SUGCT: variants seen among roughly 807,000 people sequenced by gnomAD.
SUGCT encodes succinyl-CoA:glutarate CoA-transferase.
SUGCT carries 41 observed loss-of-function variants against 55.0 expected under a neutral mutation model. The ratio of observed to expected loss-of-function variants is 0.74; its 90% CI spans 0.58 to 0.97. SUGCT has a LOEUF of 0.97. Among genes scored for constraint, SUGCT ranks in the 50% least tolerant of loss-of-function variants. The pLI is 0.00. For synonymous variants in SUGCT, 187 were observed against 200.4 expected, an observed-to-expected ratio of 0.93 and a Z score of 0.56; for missense variants, 568 against 547.8, an observed-to-expected ratio of 1.04 and a Z score of -0.37.
the SUGCT span, among the ~76,000 whole-genome samples, chr7:40,914,439 A>G: frequency 6.6e-6 from 1 of 152,082 alleles, no homozygotes; most frequent in African/African-American, 2.4e-5. Flanking sequence ...TCAGCCCTCT[A>G]CAAAGCCAGG....
chr7:40,662,847 C>T (rs1801401746), intron 12 of SUGCT, among the ~76,000 whole-genome samples: 1 of 152,216 alleles, frequency 6.6e-6, no homozygotes, highest in Non-Finnish European at 1.5e-5. Flanking sequence ...TGCTCTAATA[C>T]TTAAGCTCCT....
At chr7:40,969,775 G>T in the SUGCT span, among the ~76,000 whole-genome samples, 33 of 152,080 alleles carry the variant, frequency 2.2e-4, no homozygotes, top group Non-Finnish European at 4.4e-4. Flanking sequence ...CATCTGTTTT[G>T]GTTCATCTGA....
chr7:40,864,444 G>T (rs182128350), downstream of SUGCT, among the ~76,000 whole-genome samples: 1 of 152,074 alleles, frequency 6.6e-6, no homozygotes, highest in Admixed American at 6.5e-5. Flanking sequence ...GAGCCACCAT[G>T]CCCGGAATGA....
At chr7:40,765,565 G>A (rs1410533132) in intron 13 of SUGCT, among the ~76,000 whole-genome samples, 1 of 151,996 alleles carries the variant, frequency 6.6e-6, no homozygotes, top group Admixed American at 6.6e-5. Flanking sequence ...TAACGATTTG[G>A]GTATTCATGG....
Position 40,834,879 on chromosome 7 carries a change from C to T in SUGCT, c.1154-25437C>T, listed in dbSNP as rs187316437. 3.7e-4 allele frequency among the ~76,000 whole-genome samples: 57 copies of T among 152,178 alleles called. No individual in the cohort carries two copies. The East Asian group carries it at 9.5e-3, about 25-fold the overall frequency. On this transcript the variant is annotated intron_variant, in intron 13 of 13. Transcript: ENST00000335693. ...ACAAGTGTTTTGACAGGATAGTATTCGGGGTCTTCTCCACCCTGCTCTTCT... is the reference window on the plus strand; with the variant it reads ...ACAAGTGTTTTGACAGGATAGTATTTGGGGTCTTCTCCACCCTGCTCTTCT...
At chr7:40,178,624 T>A (rs111922900) in intron 1 of SUGCT, among the ~76,000 whole-genome samples, 4 of 152,140 alleles carry the variant, frequency 2.6e-5, no homozygotes, top group African/African-American at 9.7e-5. Flanking sequence ...ACCAATACTT[T>A]ATATCTGACC....
At chr7:40,365,088 G>C (rs1206031052) in intron 9 of SUGCT, among the ~76,000 whole-genome samples, 2 of 152,064 alleles carry the variant, frequency 1.3e-5, no homozygotes, top group Non-Finnish European at 2.9e-5. Context: ...TTCATCCCTG[G>C]GATGCAAGGC....
chr7:40,900,038 C>T, the SUGCT span, among the ~76,000 whole-genome samples: 31 of 152,280 alleles, frequency 2.0e-4, no homozygotes, highest in Middle Eastern at 3.4e-3. Flanking sequence ...CACAAGGACC[C>T]CCACCTCCTT....
chr7:40,662,574 C>T (rs1353779285), intron 12 of SUGCT, among the ~76,000 whole-genome samples: 1 of 152,206 alleles, frequency 6.6e-6, no homozygotes, highest in Admixed American at 6.5e-5. Context: ...TCATCCCTAT[C>T]ACAGAAACAT....
At chr7:40,191,533 C>T (rs1052720224) in intron 5 of SUGCT, among the ~76,000 whole-genome samples, 7 of 152,024 alleles carry the variant, frequency 4.6e-5, no homozygotes, top group Non-Finnish European at 1.0e-4. Context: ...CTGATCTTAC[C>T]ACTCTTTCTT....
the SUGCT span, among the ~76,000 whole-genome samples, chr7:40,936,998 A>G: frequency 1.3e-5 from 2 of 152,130 alleles, no homozygotes; most frequent in Non-Finnish European, 2.9e-5. Flanking sequence ...AAATTTTAAG[A>G]CTTCTTTTAT....
rs549250094 is a variant in SUGCT at position 40,489,734 on chromosome 7, A to G, written c.987-6550A>G. On this transcript the variant is annotated intron_variant, in intron 11 of 13. Coordinates refer to ENST00000335693, the MANE Select transcript of SUGCT (RefSeq NM_001193313.2). The stretch of plus-strand genomic sequence containing the variant: ...AACAAACAACAGAACAAAACAAAAA[A>G]CACACACACACACAAACTGCTATTT... Among the ~76,000 whole-genome samples, 5 of 150,462 alleles carry G rather than the reference A, an allele frequency of 3.3e-5. No homozygotes were observed. The East Asian group carries it at 5.8e-4, about 17-fold the overall frequency.
the SUGCT span, among the ~76,000 whole-genome samples, chr7:40,889,369 G>T: frequency 1.3e-5 from 2 of 152,186 alleles, no homozygotes; most frequent in Non-Finnish European, 2.9e-5. Flanking sequence ...GATCCACCTT[G>T]CTGGGAGGAG....
At chr7:40,746,512 T>G (rs1787741407) in intron 12 of SUGCT, among the ~76,000 whole-genome samples, 1 of 152,226 alleles carries the variant, frequency 6.6e-6, no homozygotes, top group African/African-American at 2.4e-5. Flanking sequence ...AATGAGAAAC[T>G]GCAACTTCCT....
At chr7:40,560,508 C>G (rs1356083031) in intron 12 of SUGCT, among the ~76,000 whole-genome samples, 1 of 152,174 alleles carries the variant, frequency 6.6e-6, no homozygotes, top group African/African-American at 2.4e-5. Context: ...AGAGCATACT[C>G]CCTTATGGAA....
chr7:40,162,191 C>G (rs1362519195), intron 1 of SUGCT, among the ~76,000 whole-genome samples: 1 of 152,044 alleles, frequency 6.6e-6, no homozygotes, highest in Admixed American at 6.6e-5. Flanking sequence ...CTACCGCGCC[C>G]GGCCGTGAAG....
chr7:40,380,030 A>T (rs142043322), intron 9 of SUGCT, among the ~76,000 whole-genome samples: 1 of 152,168 alleles, frequency 6.6e-6, no homozygotes, highest in African/African-American at 2.4e-5. Context: ...CCACAAAGAG[A>T]TGGTTGTTAA....
At chr7:40,857,105 G>A (rs1055000609) in intron 13 of SUGCT, among the ~76,000 whole-genome samples, 38 of 152,030 alleles carry the variant, frequency 2.5e-4, no homozygotes, top group African/African-American at 8.7e-4. Flanking sequence ...AAAACAGATG[G>A]GAACATAGAT....
chr7:40,289,794 T>A (rs1308468945), intron 8 of SUGCT, among the ~76,000 whole-genome samples: 9 of 151,924 alleles, frequency 5.9e-5, no homozygotes, highest in East Asian at 1.9e-4. Context: ...GCTGATAAGC[T>A]ACTTCAGCAA....
Sources: gnomAD v4.1 joint callset for allele counts (sites outside exome capture counted in the v4.1 genomes callset) on GRCh38, gnomAD v4.1.1 for gene constraint, MANE v1.5 for transcripts, NCBI Gene and HGNC (gene_info 2026-07-23, HGNC 2026-07-21) for gene names.